PAGE1: variants seen among roughly 807,000 people sequenced by gnomAD.
PAGE1 encodes the protein PAGE family member 1, also known as P antigen family member 1.
Under a neutral mutation model 11.5 loss-of-function variants are expected in PAGE1, and 6 were observed. The observed-to-expected ratio is 0.52, with a 90% confidence interval of 0.29 to 1.03. The LOEUF (loss-of-function observed/expected upper bound fraction) is 1.03. Among genes scored for constraint, PAGE1 ranks in the 50% least tolerant of loss-of-function variants. The probability of loss-of-function intolerance (pLI) is 0.09; values close to 1 mark genes in which losing one functional copy is unlikely to be tolerated. For synonymous variants in PAGE1, 42 were observed against 40.2 expected (o/e 1.05, Z -0.17); for missense variants, 120 against 110.2 (o/e 1.09, Z -0.40).
chrX:49,689,806 G>A (rs1384099865), intron 4 of PAGE1, among the ~76,000 whole-genome samples: 1 of 59,586 alleles, frequency 1.7e-5, no homozygotes, highest in Non-Finnish European at 2.8e-5. Flanking sequence ...GTATATATAT[G>A]TGTATATACA....
chrX:49,691,145 T>C, intron 4 of PAGE1, 104 bp downstream of exon 4: 2 of 862,757 alleles, frequency 2.3e-6, no homozygotes, highest in Non-Finnish European at 3.2e-6. Context: ...GCCACTGCAC[T>C]CCAGCCTGGG....
At chrX:49,687,961 A>G (rs2066889831) in intron 5 of PAGE1, among the ~76,000 whole-genome samples, 1 of 112,799 alleles carries the variant, frequency 8.9e-6, no homozygotes. Context: ...ATGGTTAGAG[A>G]TCATGTATGT....
rs782557282 is a variant in PAGE1, at chrX:49,694,060, ACACACC to A, written c.166+33_166+38del. The A allele has an allele frequency of 6.3e-6, 5 of 798,172 alleles. No individual in the cohort carries two copies. The African/African-American group carries it at 8.8e-5, about 14-fold the overall frequency. 65.8% of individuals were successfully genotyped at this position (798,172 alleles called of 1,213,427 possible). A position where few individuals can be genotyped will look rare whatever the true frequency, so the allele number is the denominator to read the frequency against. On this transcript the variant is annotated intron_variant, in intron 3 of 5. Transcript: ENST00000376150. ...CACACACACACACACACACACACAC[ACACACC>A]CCAACAGGCATTCTTCTTCCCTTTC... is the stretch of plus-strand genomic sequence containing the variant.
chrX:49,693,915 C>T (rs2066929925), intron 3 of PAGE1, among the ~76,000 whole-genome samples, 184 bp downstream of exon 3: 1 of 109,675 alleles, frequency 9.1e-6, no homozygotes, highest in Non-Finnish European at 1.9e-5. Flanking sequence ...GATTTATTTC[C>T]CTAAGGTAAG....
chrX:49,695,107 G>A (rs1569533650), intron 1 of PAGE1, among the ~76,000 whole-genome samples: 1 of 112,908 alleles, frequency 8.9e-6, no homozygotes, highest in Non-Finnish European at 1.9e-5. Context: ...TCCCGCTCAC[G>A]CGATCCTCCT....
At chrX:49,694,317 C>A in intron 2 of PAGE1, 116 bp from the exon 3 acceptor site, 1 of 441,506 alleles carries the variant, frequency 2.3e-6, no homozygotes. Context: ...CTGATCATAA[C>A]TAAACCTAAA....
At chrX:49,692,483 A>G (rs191930226) in intron 3 of PAGE1, among the ~76,000 whole-genome samples, 11 of 111,866 alleles carry the variant, frequency 9.8e-5, no homozygotes, top group African/African-American at 6.5e-5. Context: ...AGAAGCTATT[A>G]ACAATTGGTG....
Position 49,689,420 on chromosome X carries a change from T to C in PAGE1, c.416A>G (p.Glu139Gly). Residue 139 changes from glutamate (E) to glycine (G), a missense_variant and splice_region_variant, in exon 5 of 6, where the codon GAA becomes GGA. Glu to Gly is a moderately conservative substitution (Grantham distance 98). Transcript: ENST00000376150. ...TGCATGCCTAATGGATTGCCTACCT[T>C]CCTCAGGTGTTTTCACCTCCTCTGG... ...PNPEEVKTPEEDEGQSQP is the reference protein window; with the variant it reads ...PNPEEVKTPEGDEGQSQP 9.0e-7 allele frequency: 1 copy of C among 1,107,149 alleles called. No homozygotes were observed. The highest frequency in any genetic ancestry group is 4.0e-5 in the East Asian group (1 of 25,217). 91.2% of individuals were successfully genotyped at this position (1,107,149 alleles called of 1,213,427 possible). A position where few individuals can be genotyped will look rare whatever the true frequency, so the allele number is the denominator to read the frequency against.
At chrX:49,690,286 G>A (rs1046377451) in intron 4 of PAGE1, among the ~76,000 whole-genome samples, 1 of 107,131 alleles carries the variant, frequency 9.3e-6, no homozygotes, top group Non-Finnish European at 1.9e-5. Flanking sequence ...ATGATTTCAG[G>A]AGTCTGTTGG....
chrX:49,689,708 GTATATA>G (rs1283677968), intron 4 of PAGE1, among the ~76,000 whole-genome samples, 165 bp from the exon 5 acceptor site: 7 of 41,962 alleles, frequency 1.7e-4, no homozygotes, highest in East Asian at 8.4e-4. Context: ...ATATATATGT[GTATATA>G]TGTATATATG....
At chrX:49,689,761 CATATATATGTGTGTATATAT>C (rs2066904488) in intron 4 of PAGE1, among the ~76,000 whole-genome samples, 1 of 55,408 alleles carries the variant, frequency 1.8e-5, no homozygotes, top group Non-Finnish European at 3.1e-5. Flanking sequence ...TGTATATATA[CATATATATGTGTGTATATAT>C]ACACACATAT....
At chrX:49,689,847 C>T (rs781879778) in intron 4 of PAGE1, among the ~76,000 whole-genome samples, 1 of 54,541 alleles carries the variant, frequency 1.8e-5, no homozygotes. Flanking sequence ...TGTGTATATA[C>T]ACACATATAT....
chrX:49,694,907 G>A (rs138984303), intron 1 of PAGE1, 129 bp from the exon 2 acceptor site: 14,624 of 416,244 alleles, frequency 0.035, 269 homozygotes, highest in Non-Finnish European at 0.043. Context: ...CCAGAGTTAA[G>A]TGCAAGTGTG....
chrX:49,689,363 T>C lies in PAGE1; in HGVS notation c.418+55A>G. The C allele has an allele frequency of 1.2e-5, 12 of 980,420 alleles. No individual in the cohort carries two copies. The South Asian group carries it at 2.3e-4, about 19-fold the overall frequency. 80.8% of individuals were successfully genotyped at this position (980,420 alleles called of 1,213,427 possible). A position where few individuals can be genotyped will look rare whatever the true frequency, so the allele number is the denominator to read the frequency against. On this transcript the variant is annotated intron_variant, in intron 5 of 5. Coordinates refer to ENST00000376150, the MANE Select transcript of PAGE1 (RefSeq NM_003785.4). ...CTCAAAAAAATAATAATTATTATAA[T>C]ATGATACTGTGGAAACAGACACCCT...
intron 4 of PAGE1, among the ~76,000 whole-genome samples, chrX:49,689,898 A>G (rs182509002): frequency 0.012 from 371 of 29,715 alleles, 35 homozygotes; most frequent in South Asian, 0.043. Context: ...ATATAGGTGT[A>G]TATATATGTG....
chrX:49,692,403 G>A (rs187112331), intron 3 of PAGE1, among the ~76,000 whole-genome samples: 33 of 111,177 alleles, frequency 3.0e-4, no homozygotes, highest in African/African-American at 8.2e-4. Context: ...CATAATATCC[G>A]TAAGTGTGTG....
chrX:49,694,021 GACAC>G (rs565227923), intron 3 of PAGE1, 74 bp downstream of exon 3: 19,198 of 346,308 alleles, frequency 0.055, 476 homozygotes, highest in African/African-American at 0.18. Context: ...CAATGCATGA[GACAC>G]ACACACACAC....
intron 5 of PAGE1, 41 bp from the exon 6 acceptor site, chrX:49,687,604 C>A: frequency 8.6e-7 from 1 of 1,158,918 alleles, no homozygotes. Context: ...GATTTAGCAG[C>A]AGATTATTTA....
chrX:49,695,189 G>C (rs1330529750), intron 1 of PAGE1, among the ~76,000 whole-genome samples: 1 of 112,265 alleles, frequency 8.9e-6, no homozygotes, highest in Non-Finnish European at 1.9e-5. Context: ...TTTCTGATGA[G>C]GTTTAGTTTC....
Sources: gnomAD v4.1 joint callset for allele counts (sites outside exome capture counted in the v4.1 genomes callset) on GRCh38, gnomAD v4.1.1 for gene constraint, MANE v1.5 for transcripts, NCBI Gene and HGNC (gene_info 2026-07-23, HGNC 2026-07-21) for gene names.